Variants in TMEM255B observed in about 807,000 individuals in gnomAD.
The protein encoded by TMEM255B is transmembrane protein 255B.
A neutral mutation model predicts 34.5 loss-of-function variants in TMEM255B; 35 were observed. The ratio of observed to expected loss-of-function variants is 1.01; its 90% CI spans 0.77 to 1.34. The LOEUF (loss-of-function observed/expected upper bound fraction) is 1.34, where lower values mean the gene tolerates loss of function less well. Among genes scored for constraint, TMEM255B ranks in the 40% most tolerant of loss-of-function variants. TMEM255B has a pLI of 0.00. For missense variants in TMEM255B, 432 were observed against 433.2 expected (o/e 1.00, Z 0.02); for synonymous variants, 206 against 201.2 (o/e 1.02, Z -0.20).
Position 113,795,256 on chromosome 13 carries a change from T to C in TMEM255B, c.342+19T>C, listed in dbSNP as rs1221015584. Reference sequence around the variant, plus strand: ...GCACATTGTGAGTACATTGTCATTGTGTGCACAGTCGCTTTCCGGGGCTGA... The same window carrying C: ...GCACATTGTGAGTACATTGTCATTGCGTGCACAGTCGCTTTCCGGGGCTGA... On this transcript the variant is annotated intron_variant, in intron 4 of 8. Transcript: ENST00000375353. 4 of 1,608,068 alleles carry C rather than the reference T, an allele frequency of 2.5e-6. No homozygotes were observed. The highest frequency in any genetic ancestry group is 2.2e-5 in the East Asian group (1 of 44,738).
chr13:113,813,013 A>ACAGGACAGGTCT lies in TMEM255B; in HGVS notation c.*1111_*1112insAGGACAGGTCTC, dbSNP rs2051357433. ...GTGGGTCACGGGTCCCGAGTGGGTC[A>ACAGGACAGGTCT]CGGGTCCCGGGTGGGTCACAGGCGC... On this transcript the variant is annotated 3_prime_UTR_variant, in exon 9 of 9. Transcript: ENST00000375353. 1.7e-5 allele frequency: 2 copies of ACAGGACAGGTCT among 118,878 alleles called. No homozygotes were observed. The highest frequency in any genetic ancestry group is 3.3e-5 in the Non-Finnish European group (2 of 61,328). The allele number at this position is 118,878 out of a possible 1,614,324, so 7.4% of individuals were successfully genotyped here. A position where few individuals can be genotyped will look rare whatever the true frequency, so the allele number is the denominator to read the frequency against.
At chr13:113,798,234 G>C (rs2050975902) in intron 4 of TMEM255B, among the ~76,000 whole-genome samples, 1 of 151,550 alleles carries the variant, frequency 6.6e-6, no homozygotes, top group South Asian at 2.1e-4. Flanking sequence ...TGATGGATGT[G>C]GATGGATAGA....
chr13:113,810,701 C>T (rs7332546), intron 8 of TMEM255B, among the ~76,000 whole-genome samples: 20,312 of 152,196 alleles, frequency 0.13, 1,433 homozygotes, highest in Middle Eastern at 0.22. Context: ...CTTTCCTTAA[C>T]GCCTTCAGTG....
Position 113,778,698 on chromosome 13 carries a change from A to G in TMEM255B, c.252+9538A>G, listed in dbSNP as rs539917761. ...GGTGAGTCTCGATTTCACCTGCTGT[A>G]ATGATATGACGATGATCACCTGTGG... On this transcript the variant is annotated intron_variant, in intron 3 of 8. Coordinates refer to ENST00000375353, the MANE Select transcript of TMEM255B (RefSeq NM_182614.4). Among the ~76,000 whole-genome samples, 5 of 151,856 alleles carry G rather than the reference A, an allele frequency of 3.3e-5. No individual in the cohort carries two copies. In the East Asian group the frequency reaches 9.7e-4, roughly 29 times the overall value.
intron 3 of TMEM255B, among the ~76,000 whole-genome samples, chr13:113,778,801 T>C (rs769578495): frequency 6.6e-6 from 1 of 152,234 alleles, no homozygotes; most frequent in South Asian, 2.1e-4. Context: ...TGTTGATCTT[T>C]TTCTAGCCTG....
intron 4 of TMEM255B, among the ~76,000 whole-genome samples, chr13:113,798,010 G>T (rs1473684272): frequency 6.6e-6 from 1 of 152,252 alleles, no homozygotes; most frequent in Non-Finnish European, 1.5e-5. Context: ...CTCCATGAAT[G>T]TTGCAGATGG....
At position 113,788,562 on chromosome 13, in the gene TMEM255B, T is replaced by C. The variant is rs186211377; in HGVS notation, c.253-6586T>C. On this transcript the variant is annotated intron_variant, in intron 3 of 8. Coordinates refer to ENST00000375353, the MANE Select transcript of TMEM255B (RefSeq NM_182614.4). ...CTCCTCCTGCCACACGTGGCCATCC[T>C]AGTGCTGGATTTATGGCGTACACAG... is the stretch of plus-strand genomic sequence containing the variant. Among the ~76,000 whole-genome samples the C allele has an allele frequency of 3.7e-3, 564 of 152,164 alleles. 2 individuals carry two copies. Among genetic ancestry groups the C allele is most frequent in the African/African-American group, 0.011 (467 of 41,500 alleles).
chr13:113,798,328 A>C (rs561924750), intron 4 of TMEM255B, among the ~76,000 whole-genome samples: 27 of 151,616 alleles, frequency 1.8e-4, no homozygotes, highest in Admixed American at 1.6e-3. Context: ...GGAAGTATGG[A>C]TGACAGATGG....
At chr13:113,771,548 A>T (rs924435899) in intron 3 of TMEM255B, among the ~76,000 whole-genome samples, 1 of 152,168 alleles carries the variant, frequency 6.6e-6, no homozygotes, top group African/African-American at 2.4e-5. Flanking sequence ...GCATGGTGGC[A>T]CATGCCTATA....
intron 3 of TMEM255B, among the ~76,000 whole-genome samples, chr13:113,774,242 C>T (rs747595705): frequency 9.9e-5 from 15 of 152,220 alleles, no homozygotes; most frequent in African/African-American, 2.4e-4. Context: ...GGAATGGCTT[C>T]GCCATTATCC....
chr13:113,802,491 T>C (rs530072166), intron 7 of TMEM255B, among the ~76,000 whole-genome samples: 1 of 152,044 alleles, frequency 6.6e-6, no homozygotes, highest in Admixed American at 6.5e-5. Flanking sequence ...CCCCAGAGTA[T>C]CCAAACGGCA....
chr13:113,768,707 C>G (rs1403279166), intron 2 of TMEM255B, among the ~76,000 whole-genome samples: 1 of 152,192 alleles, frequency 6.6e-6, no homozygotes, highest in African/African-American at 2.4e-5. Context: ...CTGTAGTTCC[C>G]TAATACCTTA....
chr13:113,794,355 G>A (rs911749223), intron 3 of TMEM255B, among the ~76,000 whole-genome samples: 2 of 152,022 alleles, frequency 1.3e-5, no homozygotes, highest in African/African-American at 4.8e-5. Context: ...CCATGTGCCC[G>A]AGCCACAGGC....
intron 3 of TMEM255B, among the ~76,000 whole-genome samples, chr13:113,776,068 C>A (rs1321456865): frequency 6.6e-6 from 1 of 152,242 alleles, no homozygotes; most frequent in Non-Finnish European, 1.5e-5. Context: ...CACACCTCCT[C>A]CATGCAAACG....
rs767711298 is a variant in TMEM255B, at chr13:113,804,853, C to T, written c.670-32C>T. 6.4e-5 allele frequency: 101 copies of T among 1,576,356 alleles called. 1 individual carries two copies. The highest frequency in any genetic ancestry group is 3.3e-4 in the Middle Eastern group (2 of 5,978). ...CAGCCCTTCCCTCCACTAGGGGGTA[C>T]ACGCCGACCACCCGTCTCCTCTCCA... On this transcript the variant is annotated intron_variant, in intron 7 of 8. Transcript: ENST00000375353.
chr13:113,799,526 G>C, intron 5 of TMEM255B, 107 bp downstream of exon 5: 3 of 1,037,328 alleles, frequency 2.9e-6, no homozygotes, highest in Non-Finnish European at 4.4e-6. Context: ...GATTCTAATA[G>C]TTCCTGGGGG....
At position 113,800,109 on chromosome 13, in the gene TMEM255B, CAGG is replaced by C. The variant is rs1278834692; in HGVS notation, c.423+694_423+696del. ...GTGTGTGTGTGTGGGGGGGGGTAGG[CAGG>C]AGGCGTCCCGTGTGTGTTTAGGGGG... On this transcript the variant is annotated intron_variant, in intron 5 of 8. Coordinates refer to ENST00000375353, the MANE Select transcript of TMEM255B (RefSeq NM_182614.4). The C allele has an allele frequency of 2.7e-6, 3 of 1,112,750 alleles. No homozygotes were observed. The African/African-American group carries it at 6.0e-5, about 22-fold the overall frequency. The allele number at this position is 1,112,750 out of a possible 1,614,324, so 68.9% of individuals were successfully genotyped here.
intron 5 of TMEM255B, chr13:113,799,873 CGTCG>C (rs2051010731): frequency 2.0e-6 from 2 of 1,005,896 alleles, no homozygotes; most frequent in Admixed American, 2.3e-5. Context: ...TCGCCAGGAC[CGTCG>C]GAGGGCACAG....
At chr13:113,804,472 A>T (rs546463084) in intron 7 of TMEM255B, among the ~76,000 whole-genome samples, 1 of 152,190 alleles carries the variant, frequency 6.6e-6, no homozygotes, top group Admixed American at 6.5e-5. Context: ...TCAAAAAAGT[A>T]AAAGAGAGCC....
Sources: gnomAD v4.1 joint callset for allele counts (sites outside exome capture counted in the v4.1 genomes callset) on GRCh38, gnomAD v4.1.1 for gene constraint, MANE v1.5 for transcripts, NCBI Gene and HGNC (gene_info 2026-07-23, HGNC 2026-07-21) for gene names.